AIFM2: variants seen among roughly 807,000 people sequenced by gnomAD.
The protein encoded by AIFM2 is AIF family member 2, ferroptosis suppressor, also known as ferroptosis suppressor protein 1.
Under a neutral mutation model 35.7 loss-of-function variants are expected in AIFM2, and 38 were observed. That is an observed-to-expected ratio of 1.06 (90% CI 0.82 to 1.39). AIFM2 has a LOEUF of 1.39. Among genes scored for constraint, AIFM2 ranks in the 40% most tolerant of loss-of-function variants. The pLI, the probability that AIFM2 is intolerant of heterozygous loss-of-function variation, is 0.00. For synonymous variants in AIFM2, 185 were observed against 203.5 expected (o/e 0.91, Z 0.77); for missense variants, 476 against 491.2 (o/e 0.97, Z 0.29).
rs1313582533 is a variant in AIFM2, at chr10:70,112,769, C to T, written c.*1409G>A. The T allele has an allele frequency of 1.3e-5, 2 of 152,286 alleles. No individual in the cohort carries two copies. Among genetic ancestry groups the T allele is most frequent in the Admixed American group, 1.3e-4 (2 of 15,282 alleles). The allele number at this position is 152,286 out of a possible 1,614,324, so 9.4% of individuals were successfully genotyped here. Reference sequence around the variant, plus strand: ...AACCCAGGCAGTCCAAGAGGGGCTCCTCTGGATTGGAAGATCTCTCCCAAA... The same window carrying T: ...AACCCAGGCAGTCCAAGAGGGGCTCTTCTGGATTGGAAGATCTCTCCCAAA... On this transcript the variant is annotated 3_prime_UTR_variant, in exon 9 of 9. Coordinates refer to ENST00000307864, the MANE Select transcript of AIFM2 (RefSeq NM_032797.6).
At chr10:70,129,559 G>A (rs538790789) in intron 1 of AIFM2, among the ~76,000 whole-genome samples, 1 of 152,150 alleles carries the variant, frequency 6.6e-6, no homozygotes, top group African/African-American at 2.4e-5. Context: ...TAAGGTATGA[G>A]TTTTTTCTCC....
intron 8 of AIFM2, 175 bp downstream of exon 8, chr10:70,114,745 G>T (rs959529793): frequency 1.3e-6 from 1 of 796,760 alleles, no homozygotes; most frequent in African/African-American, 1.7e-5. Flanking sequence ...AAGTGCTGGG[G>T]TTACAGGTGT....
intron 4 of AIFM2, 61 bp from the exon 5 acceptor site, chr10:70,120,660 C>G: frequency 6.3e-7 from 1 of 1,582,306 alleles, no homozygotes; most frequent in South Asian, 1.1e-5. Context: ...CCACCTCTGT[C>G]TGCTGGTTCA....
At chr10:70,127,087 T>C (rs1025108692) in intron 1 of AIFM2, among the ~76,000 whole-genome samples, 1 of 152,216 alleles carries the variant, frequency 6.6e-6, no homozygotes, top group South Asian at 2.1e-4. Context: ...GAGGTAGCAG[T>C]GCACACCAGG....
intron 1 of AIFM2, among the ~76,000 whole-genome samples, chr10:70,125,435 TACA>T (rs1564554267): frequency 1.2e-4 from 3 of 25,768 alleles, no homozygotes; most frequent in Admixed American, 6.1e-4. Flanking sequence ...ACTCTGTCTC[TACA>T]AAAAAAAAAA....
Position 70,121,155 on chromosome 10 carries a change from G to T in AIFM2, c.351C>A (p.Gly117=). ...GCTGGCTGGAAACCTCATTAAACTT[G>T]CCCGGGAAGGGCCCAGTGCTGCCCG... The part of the protein sequence containing the change: ...LATGSTGPFP[G]KFNEVSSQQA... The change falls in exon 4 of 9, where the codon GGC becomes GGA. Residue 117 remains glycine, a synonymous_variant. Coordinates refer to ENST00000307864, the MANE Select transcript of AIFM2 (RefSeq NM_032797.6). 6.3e-7 allele frequency: 1 copy of T among 1,584,302 alleles called. No individual in the cohort carries two copies.
At chr10:70,125,381 T>G (rs2072553404) in intron 1 of AIFM2, among the ~76,000 whole-genome samples, 1 of 141,480 alleles carries the variant, frequency 7.1e-6, no homozygotes, top group Non-Finnish European at 1.5e-5. Flanking sequence ...AAGGAGGATC[T>G]TTTGAGCCCA....
chr10:70,118,099 T>C (rs961900906), intron 5 of AIFM2, 179 bp from the exon 6 acceptor site: 1 of 556,656 alleles, frequency 1.8e-6, no homozygotes, highest in East Asian at 3.3e-5. Context: ...TAAGCCCACA[T>C]GTTCTAGACT....
intron 1 of AIFM2, among the ~76,000 whole-genome samples, chr10:70,127,341 A>G (rs950258155): frequency 1.3e-5 from 2 of 152,216 alleles, no homozygotes; most frequent in African/African-American, 2.4e-5. Context: ...GTCAGGTCAC[A>G]CTGGAGCACC....
At chr10:70,114,802 T>C in intron 8 of AIFM2, 118 bp downstream of exon 8, 1 of 1,256,204 alleles carries the variant, frequency 8.0e-7, no homozygotes, top group Non-Finnish European at 1.1e-6. Flanking sequence ...AGGGGATGTT[T>C]CCATCACCAG....
intron 5 of AIFM2, 116 bp downstream of exon 5, chr10:70,120,391 A>G: frequency 9.7e-7 from 1 of 1,031,182 alleles, no homozygotes; most frequent in Non-Finnish European, 1.5e-6. Context: ...ACACACTCCC[A>G]GTTTATGTGA....
intron 7 of AIFM2, 39 bp from the exon 8 acceptor site, chr10:70,115,159 T>C (rs1490850310): frequency 3.1e-6 from 5 of 1,602,216 alleles, no homozygotes; most frequent in Non-Finnish European, 4.3e-6. Context: ...GACACTGAGC[T>C]GCTGTGTTAA....
chr10:70,122,395 A>G (rs1383226223), intron 3 of AIFM2, among the ~76,000 whole-genome samples: 2 of 152,224 alleles, frequency 1.3e-5, no homozygotes, highest in Admixed American at 6.5e-5. Context: ...ACACGAAATC[A>G]CAACTCATCA....
At position 70,120,519 on chromosome 10, in the gene AIFM2, A is replaced by T; in HGVS notation, c.495T>A (p.Tyr165Ter). The T allele has an allele frequency of 1.2e-6, 2 of 1,614,132 alleles. No individual in the cohort carries two copies. The highest frequency in any genetic ancestry group is 1.7e-6 in the Non-Finnish European group (2 of 1,180,018). ...VEMAAEIKTEYPEKEVTLIHS... is the reference protein window; with the variant it reads ...VEMAAEIKTE ...CAGCCTGGCTCACCTCTTTCTCAGG[A>T]TATTCTGTTTTAATCTCTGCTGCCA... The change falls in exon 5 of 9, where the codon TAT becomes TAA. Residue 165 changes from tyrosine to a stop codon, truncating the protein, a stop_gained. Transcript: ENST00000307864. LOFTEE classifies it high-confidence loss of function.
intron 1 of AIFM2, among the ~76,000 whole-genome samples, chr10:70,129,473 C>T (rs1216225831): frequency 6.6e-6 from 1 of 152,048 alleles, no homozygotes; most frequent in East Asian, 1.9e-4. Context: ...ACACATCCAC[C>T]TCGGTATGTA....
Position 70,131,404 on chromosome 10 carries a change from C to T in AIFM2, c.-14+1330G>A, listed in dbSNP as rs1442191851. Among the ~76,000 whole-genome samples, 2 of 152,164 alleles carry T rather than the reference C, an allele frequency of 1.3e-5. No homozygotes were observed. The highest frequency in any genetic ancestry group is 3.9e-4 in the East Asian group (2 of 5,192). On this transcript the variant is annotated intron_variant, in intron 1 of 8. Coordinates refer to ENST00000307864, the MANE Select transcript of AIFM2 (RefSeq NM_032797.6). The surrounding 1 kb of genome is among the most constrained non-coding windows in gnomAD (Gnocchi z 4.1). The stretch of plus-strand genomic sequence containing the variant: ...CTCCCTTCCTGGGACACTCCATGGC[C>T]AGCCCCTCAGGGACTACTTGAAGAA...
chr10:70,121,296 C>A, intron 3 of AIFM2, 85 bp from the exon 4 acceptor site: 5 of 1,413,444 alleles, frequency 3.5e-6, no homozygotes, highest in Non-Finnish European at 4.6e-6. Flanking sequence ...CCTCTGCATC[C>A]TACTCCCGGC....
At chr10:70,120,365 G>T in intron 5 of AIFM2, 142 bp downstream of exon 5, 1 of 872,532 alleles carries the variant, frequency 1.1e-6, no homozygotes, top group Non-Finnish European at 1.9e-6. Context: ...ATCACACCTT[G>T]GCACAAAACA....
At chr10:70,123,278 C>T in intron 3 of AIFM2, 127 bp downstream of exon 3, 1 of 749,426 alleles carries the variant, frequency 1.3e-6, no homozygotes, top group Non-Finnish European at 2.1e-6. Context: ...CTTGGCCTCC[C>T]ACAGTGCTGA....
Sources: allele counts gnomAD v4.1 joint callset (sites outside exome capture counted in the v4.1 genomes callset), GRCh38; gene constraint gnomAD v4.1.1; non-coding constraint Gnocchi (gnomAD v3.1); transcripts MANE v1.5; gene names NCBI Gene and HGNC (gene_info 2026-07-23, HGNC 2026-07-21).